SKI: variants seen among roughly 807,000 people sequenced by gnomAD.
SKI encodes ski oncogene.
A neutral mutation model predicts 59.3 loss-of-function variants in SKI; 23 were observed. The observed-to-expected ratio is 0.39, with a 90% CI of 0.28 to 0.55. The LOEUF (loss-of-function observed/expected upper bound fraction) is 0.55. Ranked by LOEUF, SKI falls within the 20% of genes least tolerant of loss-of-function variation. The pLI, the probability that SKI is intolerant of heterozygous loss-of-function variation, is 0.67. For synonymous variants in SKI, 673 were observed against 488.6 expected, an observed-to-expected ratio of 1.38 and a Z score of -4.98; for missense variants, 1,017 against 1,038.9, an observed-to-expected ratio of 0.98 and a Z score of 0.29.
intron 1 of SKI, among the ~76,000 whole-genome samples, chr1:2,256,455 C>T (rs1173008931): frequency 2.6e-5 from 4 of 152,258 alleles, no homozygotes; most frequent in African/African-American, 4.8e-5. Flanking sequence ...TCTGCCCCCT[C>T]CCTCTGTGGT....
chr1:2,272,453 G>T (rs954312741), intron 1 of SKI, among the ~76,000 whole-genome samples: 1 of 152,190 alleles, frequency 6.6e-6, no homozygotes, highest in Non-Finnish European at 1.5e-5. Context: ...CCCTGGCCCA[G>T]CGTCTGCAGC....
At chr1:2,261,225 C>T (rs1402882723) in intron 1 of SKI, among the ~76,000 whole-genome samples, 1 of 152,218 alleles carries the variant, frequency 6.6e-6, no homozygotes. Context: ...TATTCGCGCT[C>T]TAACCCTGCA....
At position 2,270,589 on chromosome 1, in the gene SKI, CGCA is replaced by C. The variant is rs1322728608; in HGVS notation, c.970-32388_970-32386del. Among the ~76,000 whole-genome samples, 21 of 152,102 alleles carry C rather than the reference CGCA, an allele frequency of 1.4e-4. No homozygotes were observed. The highest frequency in any genetic ancestry group is 2.6e-4 in the Non-Finnish European group (18 of 67,938). Reference sequence around the variant, plus strand: ...GAAACAAGCTGCCGGCTGAGGAGGCCGCACTCCCCGTGCCTCCCGGGCAGACAC... The same window carrying C: ...GAAACAAGCTGCCGGCTGAGGAGGCCCTCCCCGTGCCTCCCGGGCAGACAC... On this transcript the variant is annotated intron_variant, in intron 1 of 6. Transcript: ENST00000378536. The surrounding 1 kb of genome is among the most constrained non-coding windows in gnomAD (Gnocchi z 4.1).
rs1638555572 is a variant in SKI at position 2,228,621 on chromosome 1, C to T, written c.-146C>T. The T allele has an allele frequency of 4.6e-6, 1 of 217,546 alleles. No individual in the cohort carries two copies. The highest frequency in any genetic ancestry group is 1.6e-4 in the South Asian group (1 of 6,198). 13.5% of individuals were successfully genotyped at this position (217,546 alleles called of 1,614,324 possible). On this transcript the variant is annotated 5_prime_UTR_variant, in exon 1 of 7. Transcript: ENST00000378536. ...TTCCCCTTCGCGCCCCCGGGCGAGG[C>T]CGCGGCCGTGATCGGCCGTGAGCCG... is the stretch of plus-strand genomic sequence containing the variant.
chr1:2,236,771 C>G (rs1388636514), intron 1 of SKI, among the ~76,000 whole-genome samples: 1 of 152,152 alleles, frequency 6.6e-6, no homozygotes, highest in Non-Finnish European at 1.5e-5. Flanking sequence ...TACCCTGGTT[C>G]CATATTGAGG....
At chr1:2,242,004 T>C (rs1168360363) in intron 1 of SKI, among the ~76,000 whole-genome samples, 2 of 152,154 alleles carry the variant, frequency 1.3e-5, no homozygotes, top group Non-Finnish European at 2.9e-5. Context: ...TGTGTGGTGC[T>C]GTGATGGGCT....
intron 1 of SKI, among the ~76,000 whole-genome samples, chr1:2,273,783 G>A (rs1054801479): frequency 2.6e-5 from 4 of 152,242 alleles, no homozygotes; most frequent in Non-Finnish European, 4.4e-5. Flanking sequence ...TCGGGCTGAG[G>A]CTGCAGGGGG....
intron 1 of SKI, among the ~76,000 whole-genome samples, chr1:2,254,899 C>A (rs1639241422): frequency 6.6e-6 from 1 of 152,196 alleles, no homozygotes; most frequent in Non-Finnish European, 1.5e-5. Flanking sequence ...AACAACACTT[C>A]TTTCCTCCAA....
chr1:2,239,378 C>T (rs1439668279), intron 1 of SKI, among the ~76,000 whole-genome samples: 1 of 152,162 alleles, frequency 6.6e-6, no homozygotes, highest in Non-Finnish European at 1.5e-5. Flanking sequence ...CCTGGGTTGC[C>T]TCTGTGTGGC....
Position 2,284,478 on chromosome 1 carries a change from T to C in SKI, c.970-18500T>C, listed in dbSNP as rs1379302290. ...ACGGCAGCTCCGTGTGAAGTAGAGATTGTCTGGAAGAGATTTGTCCCTGTT... is the reference window on the plus strand; with the variant it reads ...ACGGCAGCTCCGTGTGAAGTAGAGACTGTCTGGAAGAGATTTGTCCCTGTT... On this transcript the variant is annotated intron_variant, in intron 1 of 6. Transcript: ENST00000378536. 3.3e-5 allele frequency among the ~76,000 whole-genome samples: 5 copies of C among 152,128 alleles called. No individual in the cohort carries two copies. The East Asian group carries it at 9.6e-4, about 29-fold the overall frequency.
chr1:2,296,616 T>C (rs1229574923), intron 1 of SKI, among the ~76,000 whole-genome samples: 1 of 152,188 alleles, frequency 6.6e-6, no homozygotes, highest in Non-Finnish European at 1.5e-5. Context: ...CTTCATGTGT[T>C]CTGAATCTGG....
At chr1:2,293,924 G>A (rs371062688) in intron 1 of SKI, among the ~76,000 whole-genome samples, 1 of 152,222 alleles carries the variant, frequency 6.6e-6, no homozygotes, top group Admixed American at 6.5e-5. Flanking sequence ...CGCCACCATG[G>A]GGGTCCAGGC....
At position 2,229,395 on chromosome 1, in the gene SKI, G is replaced by A. The variant is rs1444525527; in HGVS notation, c.629G>A (p.Gly210Asp). 6.2e-7 allele frequency: 1 copy of A among 1,607,866 alleles called. No homozygotes were observed. Among genetic ancestry groups the A allele is most frequent in the Non-Finnish European group, 8.5e-7 (1 of 1,177,600 alleles). ...KKELAASLAL[G>D]LELSERSVRV... ...GAGCTGGCCGCCAGCCTGGCGCTGG[G>A]CCTGGAGCTCAGCGAGCGCAGCGTC... Residue 210 changes from glycine (G) to aspartate (D), a missense_variant, in exon 1 of 7, where the codon GGC becomes GAC. Gly to Asp is a moderately conservative substitution (Grantham distance 94). Coordinates refer to ENST00000378536, the MANE Select transcript of SKI (RefSeq NM_003036.4). This position sits in a 1 kb window ranked among gnomAD's most constrained non-coding sequence, Gnocchi z 6.3.
At chr1:2,285,584 AGACG>A (rs946009754) in intron 1 of SKI, among the ~76,000 whole-genome samples, 2 of 137,548 alleles carry the variant, frequency 1.5e-5, no homozygotes, top group African/African-American at 5.4e-5. Context: ...TTTTTTTTTG[AGACG>A]GAATCTTGCT....
intron 1 of SKI, among the ~76,000 whole-genome samples, chr1:2,294,211 G>A (rs74971327): frequency 0.02 from 3,065 of 152,328 alleles, 110 homozygotes; most frequent in African/African-American, 0.069. Context: ...TGATAGCTCC[G>A]CAGGATTCAG....
intron 1 of SKI, among the ~76,000 whole-genome samples, chr1:2,260,333 T>G (rs1639357903): frequency 6.6e-6 from 1 of 152,144 alleles, no homozygotes; most frequent in South Asian, 2.1e-4. Flanking sequence ...CCTTCTGATT[T>G]TTGCCAGTTA....
At chr1:2,297,995 C>T (rs997010748) in intron 1 of SKI, among the ~76,000 whole-genome samples, 10 of 152,190 alleles carry the variant, frequency 6.6e-5, no homozygotes, top group Admixed American at 3.9e-4. Context: ...GTGGGTCCAT[C>T]CCCCCGCACC....
intron 1 of SKI, among the ~76,000 whole-genome samples, chr1:2,266,188 G>A (rs900855124): frequency 6.6e-6 from 1 of 152,114 alleles, no homozygotes; most frequent in African/African-American, 2.4e-5. Context: ...TTTCCTGTCT[G>A]TCGGGTGGAG....
At position 2,306,035 on chromosome 1, in the gene SKI, C is replaced by T. The variant is rs762750773; in HGVS notation, c.1783C>T (p.Arg595Cys). ...RSLHQELEFLRVAKKEKLREA... is the reference protein window; with the variant it reads ...RSLHQELEFLCVAKKEKLREA... ...CGGCCCCCAGGAGCTGGAGTTCCTA[C>T]GCGTGGCCAAGAAGGAGAAGCTGCG... The change falls in exon 6 of 7, where the codon CGC (arginine) becomes TGC (cysteine). Residue 595 changes from arginine (R) to cysteine (C), a missense_variant. Transcript: ENST00000378536. 5 of 1,585,946 alleles carry T rather than the reference C, an allele frequency of 3.2e-6. No homozygotes were observed. The highest frequency in any genetic ancestry group is 2.7e-5 in the African/African-American group (2 of 74,630).
Sources: allele counts gnomAD v4.1 joint callset (sites outside exome capture counted in the v4.1 genomes callset), GRCh38; gene constraint gnomAD v4.1.1; non-coding constraint Gnocchi (gnomAD v3.1); transcripts MANE v1.5; gene names NCBI Gene and HGNC (gene_info 2026-07-23, HGNC 2026-07-21).